The following PRSS12 variants were observed in gnomAD, a reference collection of about 807,000 sequenced individuals.
PRSS12 encodes the protein serine protease 12.
Under a neutral mutation model 104.4 loss-of-function variants are expected in PRSS12, and 85 were observed. That is an observed-to-expected ratio of 0.81 (90% CI 0.68 to 0.98). PRSS12 has a LOEUF of 0.98. PRSS12 is among the 50% of genes least tolerant of loss of function. The pLI is 0.00. For missense variants in PRSS12, 1,141 were observed against 1,139.2 expected (o/e 1.00, Z -0.02); for synonymous variants, 454 against 425.2 (o/e 1.07, Z -0.83).
chr4:118,298,789 T>C lies in PRSS12; in HGVS notation c.1781A>G (p.Asp594Gly), dbSNP rs932187012. ...AAAATAATCACAAATAACTCCTGCA[T>C]CTTCACTGTGGCGGCAGTTGTGTCT... ...IGRHNCRHSE[D>G]AGVICDYFGK... Residue 594 changes from aspartate (D) to glycine (G), a missense_variant, in exon 9 of 13, where the codon GAT (aspartate) becomes GGT (glycine). Physicochemically the swap from Asp to Gly is moderately conservative, Grantham distance 94. Coordinates refer to ENST00000296498, the MANE Select transcript of PRSS12 (RefSeq NM_003619.4). 3.7e-6 allele frequency: 6 copies of C among 1,614,202 alleles called. No homozygotes were observed. The highest frequency in any genetic ancestry group is 4.2e-6 in the Non-Finnish European group (5 of 1,180,032).
intron 1 of PRSS12, among the ~76,000 whole-genome samples, chr4:118,351,811 C>T (rs1724513439): frequency 6.6e-6 from 1 of 152,102 alleles, no homozygotes; most frequent in Admixed American, 6.5e-5. Flanking sequence ...TGTAACATTT[C>T]CCTTTCCAGA....
In PRSS12 at chr4:118,299,794, T is replaced by TA. The variant is rs1466337106; in HGVS notation, c.1632-857dup. Among the ~76,000 whole-genome samples the TA allele has an allele frequency of 9.5e-3, 609 of 64,250 alleles. 13 individuals are homozygous for TA. The highest frequency in any genetic ancestry group is 0.016 in the South Asian group (31 of 1,956). 42.2% of individuals were successfully genotyped at this position (64,250 alleles called of 152,430 possible). A position where few individuals can be genotyped will look rare whatever the true frequency, so the allele number is the denominator to read the frequency against. On this transcript the variant is annotated intron_variant, in intron 8 of 12. Transcript: ENST00000296498. Reference sequence around the variant, plus strand: ...TAAAATAAAATAAAATAAAATAAAATAAATAAAATAAAATAAATAAAATAA... The same window carrying TA: ...TAAAATAAAATAAAATAAAATAAAATAAAATAAAATAAAATAAATAAAATAA...
rs770519804 is a variant in PRSS12 at position 118,298,826 on chromosome 4, G to A, written c.1744C>T (p.Gln582Ter). 6.2e-7 allele frequency: 1 copy of A among 1,613,948 alleles called. No individual in the cohort carries two copies. The highest frequency in any genetic ancestry group is 8.5e-7 in the Non-Finnish European group (1 of 1,180,020). Residue 582 changes from glutamine (Q) to a stop codon, truncating the protein, a stop_gained, in exon 9 of 13, where the codon CAA becomes TAA. Transcript: ENST00000296498. LOFTEE classifies it high-confidence loss of function. ...CGGCAGTTGTGTCTTCCAATATCTT[G>A]CTTGATACAGTCAGCCAAGGACCTC... is the stretch of plus-strand genomic sequence containing the variant. ...NERSLADCIK[Q>*]DIGRHNCRHS... is the part of the protein sequence containing the mutation.
At chr4:118,338,419 TC>T in intron 1 of PRSS12, 105 bp from the exon 2 acceptor site, 2 of 1,414,588 alleles carry the variant, frequency 1.4e-6, no homozygotes, top group Non-Finnish European at 2.0e-6. Flanking sequence ...TAGTAAGGGA[TC>T]CAGGCAGAAT....
chr4:118,331,607 G>C, intron 4 of PRSS12, 109 bp downstream of exon 4: 2 of 1,417,166 alleles, frequency 1.4e-6, no homozygotes, highest in South Asian at 1.2e-5. Context: ...AAGGTAACTT[G>C]TCCCATTTGT....
chr4:118,282,355 T>A, intron 12 of PRSS12, 112 bp from the exon 13 acceptor site: 1 of 1,391,678 alleles, frequency 7.2e-7, no homozygotes, highest in African/African-American at 1.4e-5. Context: ...GGCATTAGTG[T>A]AGTTTAAAAT....
chr4:118,298,714 G>T lies in PRSS12; in HGVS notation c.1837+19C>A. 6.2e-7 allele frequency: 1 copy of T among 1,609,278 alleles called. No homozygotes were observed. Among genetic ancestry groups the T allele is most frequent in the Non-Finnish European group, 8.5e-7 (1 of 1,175,642 alleles). Reference sequence around the variant, plus strand: ...ATTAGTATTCCTTGACTTGTTTAGGGCTCCAGAAGGTGACTTACCTTTATT... The same window carrying T: ...ATTAGTATTCCTTGACTTGTTTAGGTCTCCAGAAGGTGACTTACCTTTATT... On this transcript the variant is annotated intron_variant, in intron 9 of 12. Transcript: ENST00000296498.
At chr4:118,342,065 G>C (rs1254215323) in intron 1 of PRSS12, among the ~76,000 whole-genome samples, 1 of 152,086 alleles carries the variant, frequency 6.6e-6, no homozygotes, top group African/African-American at 2.4e-5. Context: ...TATAGTTGAC[G>C]CAAATCCTCC....
intron 1 of PRSS12, among the ~76,000 whole-genome samples, chr4:118,343,597 A>G (rs1331245430): frequency 6.6e-6 from 1 of 152,020 alleles, no homozygotes; most frequent in Non-Finnish European, 1.5e-5. Context: ...CCTCTACAAA[A>G]AATTTTAAAA....
At chr4:118,312,956 T>C (rs965178492) in intron 7 of PRSS12, 2 of 524,060 alleles carry the variant, frequency 3.8e-6, no homozygotes, top group African/African-American at 1.9e-5. Context: ...ATTGTAAACA[T>C]TGTTAGTGAG....
intron 11 of PRSS12, 84 bp from the exon 12 acceptor site, chr4:118,283,195 C>T: frequency 6.6e-7 from 1 of 1,512,344 alleles, no homozygotes; most frequent in Non-Finnish European, 9.2e-7. Flanking sequence ...AAGATACAAG[C>T]CTTTCTTCCA....
chr4:118,283,497 AAACT>A (rs1309469898), intron 11 of PRSS12, among the ~76,000 whole-genome samples: 2 of 152,248 alleles, frequency 1.3e-5, no homozygotes, highest in Admixed American at 6.5e-5. Context: ...GTGAGGGCAG[AAACT>A]AACTTTGTGT....
In PRSS12 at chr4:118,280,038, T is replaced by C. The variant is rs912757128; in HGVS notation, c.*1898A>G. 6.6e-6 allele frequency: 1 copy of C among 152,248 alleles called. No individual in the cohort carries two copies. The highest frequency in any genetic ancestry group is 6.5e-5 in the Admixed American group (1 of 15,294). The allele number at this position is 152,248 out of a possible 1,614,324, so 9.4% of individuals were successfully genotyped here. On this transcript the variant is annotated 3_prime_UTR_variant, in exon 13 of 13. Coordinates refer to ENST00000296498, the MANE Select transcript of PRSS12 (RefSeq NM_003619.4). Reference sequence around the variant, plus strand: ...ACCATACAAAAATTTAAGGCAGTTATACAAGGTGGAAAATTATGTATTTAT... The same window carrying C: ...ACCATACAAAAATTTAAGGCAGTTACACAAGGTGGAAAATTATGTATTTAT...
chr4:118,333,821 A>G (rs891403623), intron 3 of PRSS12, among the ~76,000 whole-genome samples: 6 of 152,198 alleles, frequency 3.9e-5, no homozygotes, highest in African/African-American at 1.4e-4. Flanking sequence ...AAATACAGAA[A>G]AGCACAAGGA....
At chr4:118,335,404 T>C in intron 3 of PRSS12, 69 bp downstream of exon 3, 1 of 1,563,074 alleles carries the variant, frequency 6.4e-7, no homozygotes. Context: ...ACTAAGACAC[T>C]TTCATCATCT....
chr4:118,330,232 C>T (rs1460696919), intron 4 of PRSS12, among the ~76,000 whole-genome samples: 1 of 152,152 alleles, frequency 6.6e-6, no homozygotes, highest in African/African-American at 2.4e-5. Context: ...TCAATTTCAG[C>T]TTCATTTGTG....
chr4:118,310,506 A>G lies in PRSS12; in HGVS notation c.1490-1929T>C, dbSNP rs565294133. Among the ~76,000 whole-genome samples, 5 of 152,340 alleles carry G rather than the reference A, an allele frequency of 3.3e-5. No individual in the cohort carries two copies. The East Asian group carries it at 9.7e-4, about 29-fold the overall frequency. Reference sequence around the variant, plus strand: ...GGATGACAAAAGTCATGCCATCCATACGTTGTCACTATTAAGTTTGTGTTG... The same window carrying G: ...GGATGACAAAAGTCATGCCATCCATGCGTTGTCACTATTAAGTTTGTGTTG... On this transcript the variant is annotated intron_variant, in intron 7 of 12. Transcript: ENST00000296498.
In PRSS12 at chr4:118,283,126, G is replaced by C; in HGVS notation, c.2040-15C>G. The C allele has an allele frequency of 6.2e-7, 1 of 1,613,638 alleles. No homozygotes were observed. Among genetic ancestry groups the C allele is most frequent in the Non-Finnish European group, 8.5e-7 (1 of 1,179,564 alleles). On this transcript the variant is annotated splice_polypyrimidine_tract_variant and intron_variant, in intron 11 of 12. Coordinates refer to ENST00000296498, the MANE Select transcript of PRSS12 (RefSeq NM_003619.4). ...TGTTGCCATACCTGAGAGGCAGAGA[G>C]TACTAATGAGAGACTTGCTTCAGAT...
At chr4:118,298,993 T>A (rs1038018953) in intron 8 of PRSS12, 55 bp from the exon 9 acceptor site, 4 of 1,567,594 alleles carry the variant, frequency 2.6e-6, no homozygotes, top group Non-Finnish European at 3.5e-6. Context: ...TATATCTGAA[T>A]AAATCACAAC....
Sources: allele counts gnomAD v4.1 joint callset (sites outside exome capture counted in the v4.1 genomes callset), GRCh38; gene constraint gnomAD v4.1.1; transcripts MANE v1.5; gene names NCBI Gene and HGNC (gene_info 2026-07-23, HGNC 2026-07-21).